ASAP1: variants seen among roughly 807,000 people sequenced by gnomAD.
ASAP1 encodes the protein arf-GAP with SH3 domain, ANK repeat and PH domain-containing protein 1.
A neutral mutation model predicts 145.2 loss-of-function variants in ASAP1; 43 were observed. The observed-to-expected ratio is 0.30, with a 90% CI of 0.23 to 0.38. The LOEUF (loss-of-function observed/expected upper bound fraction) is 0.38, where lower values mean the gene tolerates loss of function less well. ASAP1 is among the 10% of genes least tolerant of loss of function. The pLI is 1.00. For missense variants in ASAP1, 1,018 were observed against 1,355.3 expected (o/e 0.75, Z 3.91); for synonymous variants, 546 against 515.5 (o/e 1.06, Z -0.80).
At chr8:130,266,334 G>C (rs909650248) in intron 3 of ASAP1, among the ~76,000 whole-genome samples, 2 of 152,056 alleles carry the variant, frequency 1.3e-5, no homozygotes, top group Non-Finnish European at 2.9e-5. Context: ...TATACAACAG[G>C]GGTCTAGACA....
At chr8:130,212,041 G>C (rs1279255037) in intron 5 of ASAP1, among the ~76,000 whole-genome samples, 1 of 152,146 alleles carries the variant, frequency 6.6e-6, no homozygotes, top group Non-Finnish European at 1.5e-5. Context: ...TGGCTTTCTG[G>C]GAGCCCTCTA....
intron 3 of ASAP1, among the ~76,000 whole-genome samples, chr8:130,259,245 C>CCCCAAAATCTTTATTTGCT (rs1356926088): frequency 6.6e-6 from 1 of 152,270 alleles, no homozygotes; most frequent in South Asian, 2.1e-4. Context: ...TTGGGATTTT[C>CCCCAAAATCTTTATTTGCT]CCCAAAATCT....
intron 5 of ASAP1, among the ~76,000 whole-genome samples, chr8:130,193,056 T>G (rs1258407873): frequency 6.6e-6 from 1 of 152,178 alleles, no homozygotes; most frequent in Non-Finnish European, 1.5e-5. Flanking sequence ...AAAACATTAC[T>G]TATGGTATGC....
Position 130,118,617 on chromosome 8 carries a change from T to C in ASAP1, c.1666A>G (p.Thr556Ala). The C allele has an allele frequency of 1.2e-6, 2 of 1,613,980 alleles. No individual in the cohort carries two copies. The highest frequency in any genetic ancestry group is 1.7e-6 in the Non-Finnish European group (2 of 1,179,892). The change falls in exon 19 of 30, where the codon ACC becomes GCC. Residue 556 changes from threonine to alanine, a missense_variant. By Grantham distance (58) the Thr-to-Ala change is moderately conservative. Coordinates refer to ENST00000518721, the MANE Select transcript of ASAP1 (RefSeq NM_018482.4). ...AGTTTAGCTGATGAAGTTGAACAGGTCTTCCTTGAAAACCTATGATCTACA... is the reference window on the plus strand; with the variant it reads ...AGTTTAGCTGATGAAGTTGAACAGGCCTTCCTTGAAAACCTATGATCTACA... ...KYVDHRFSRK[T>A]CSTSSAKLNE...
intron 5 of ASAP1, among the ~76,000 whole-genome samples, chr8:130,198,188 C>T (rs956133291): frequency 6.7e-6 from 1 of 149,290 alleles, no homozygotes; most frequent in African/African-American, 2.5e-5. Flanking sequence ...GGCTGGAGTG[C>T]AGCCTTGCTC....
chr8:130,077,002 G>GT (rs2097463927), intron 26 of ASAP1, among the ~76,000 whole-genome samples: 1 of 152,234 alleles, frequency 6.6e-6, no homozygotes, highest in South Asian at 2.1e-4. Context: ...GTGCACAGAA[G>GT]TAACTCTTCC....
At chr8:130,441,976 A>C (rs1830502804) in intron 1 of ASAP1, among the ~76,000 whole-genome samples, 1 of 152,198 alleles carries the variant, frequency 6.6e-6, no homozygotes, top group Non-Finnish European at 1.5e-5. Flanking sequence ...TTTTGCACAA[A>C]AGAATGGGAT....
chr8:130,145,405 C>T (rs914536330), intron 13 of ASAP1, among the ~76,000 whole-genome samples: 1 of 152,084 alleles, frequency 6.6e-6, no homozygotes, highest in Non-Finnish European at 1.5e-5. Context: ...GCAACCTCTG[C>T]CTCCTGGGTT....
intron 4 of ASAP1, among the ~76,000 whole-genome samples, chr8:130,222,303 T>C (rs1296546430): frequency 6.6e-6 from 1 of 152,218 alleles, no homozygotes; most frequent in Non-Finnish European, 1.5e-5. Context: ...TCACAAAACC[T>C]CTGGACTGGA....
chr8:130,160,485 T>C (rs1348601583), intron 11 of ASAP1, among the ~76,000 whole-genome samples: 1 of 152,248 alleles, frequency 6.6e-6, no homozygotes, highest in Non-Finnish European at 1.5e-5. Context: ...ATTAGTGCTC[T>C]GTAAAATATA....
intron 2 of ASAP1, among the ~76,000 whole-genome samples, chr8:130,367,927 G>A (rs1229320944): frequency 6.6e-6 from 1 of 152,202 alleles, no homozygotes; most frequent in Non-Finnish European, 1.5e-5. Flanking sequence ...CATGTCAAAT[G>A]TAGGGCATTG....
chr8:130,126,175 C>T (rs763582367), intron 16 of ASAP1, 86 bp from the exon 17 acceptor site: 5 of 1,268,636 alleles, frequency 3.9e-6, no homozygotes, highest in African/African-American at 1.5e-5. Context: ...AACAGTAGTA[C>T]AAATTGTTAA....
intron 3 of ASAP1, among the ~76,000 whole-genome samples, chr8:130,340,427 T>A (rs1260483577): frequency 2.0e-5 from 3 of 152,180 alleles, no homozygotes; most frequent in Admixed American, 6.5e-5. Context: ...ATAATTTATG[T>A]TGGGTGTGGA....
intron 25 of ASAP1, among the ~76,000 whole-genome samples, chr8:130,088,899 G>A (rs2097499712): frequency 6.6e-6 from 1 of 152,192 alleles, no homozygotes; most frequent in African/African-American, 2.4e-5. Flanking sequence ...TATAGTTGGA[G>A]AAGCTTTGGC....
chr8:130,332,485 T>A (rs758421821), intron 3 of ASAP1, among the ~76,000 whole-genome samples: 14 of 152,232 alleles, frequency 9.2e-5, no homozygotes, highest in African/African-American at 1.2e-4. Context: ...AAATAAAAAA[T>A]AATACAAAGA....
intron 2 of ASAP1, among the ~76,000 whole-genome samples, chr8:130,372,335 C>CT (rs33928192): frequency 0.11 from 16,927 of 152,204 alleles, 1,220 homozygotes; most frequent in African/African-American, 0.2. Flanking sequence ...GACTTCTTTG[C>CT]TTTAAAATCA....
intron 8 of ASAP1, 149 bp downstream of exon 8, chr8:130,180,602 G>T: frequency 9.5e-7 from 1 of 1,052,702 alleles, no homozygotes; most frequent in Non-Finnish European, 1.3e-6. Flanking sequence ...CAAAAGGCTT[G>T]GAGAAAAATG....
intron 24 of ASAP1, among the ~76,000 whole-genome samples, chr8:130,094,007 C>T (rs1003939979): frequency 4.6e-5 from 7 of 152,048 alleles, no homozygotes; most frequent in East Asian, 1.9e-4. Context: ...TGTCCCATTG[C>T]GTAATTCTAT....
intron 3 of ASAP1, among the ~76,000 whole-genome samples, chr8:130,267,651 G>A (rs1193741212): frequency 3.3e-5 from 5 of 152,142 alleles, no homozygotes; most frequent in South Asian, 2.1e-4. Flanking sequence ...AATAAATTAC[G>A]TGTTGAAGGA....
Sources: allele counts gnomAD v4.1 joint callset (sites outside exome capture counted in the v4.1 genomes callset), GRCh38; gene constraint gnomAD v4.1.1; transcripts MANE v1.5; gene names NCBI Gene and HGNC (gene_info 2026-07-23, HGNC 2026-07-21).